Variants in PHACTR1 observed in about 807,000 individuals in gnomAD.
PHACTR1 encodes phosphatase and actin regulator 1.
In PHACTR1, 16 loss-of-function variants were observed where a neutral mutation model predicts 69.2. That is an observed-to-expected ratio of 0.23 (90% CI 0.16 to 0.35). PHACTR1 has a LOEUF of 0.35. Among genes scored for constraint, PHACTR1 ranks in the 10% least tolerant of loss-of-function variants. The pLI is 1.00. For missense variants in PHACTR1, 510 were observed against 734.7 expected (o/e 0.69, Z 3.54); for synonymous variants, 312 against 284.5 (o/e 1.10, Z -0.97).
chr6:13,193,441 C>A (rs1441338791), intron 7 of PHACTR1, among the ~76,000 whole-genome samples: 1 of 143,882 alleles, frequency 7.0e-6, no homozygotes, highest in African/African-American at 2.5e-5. Flanking sequence ...ACTTGGAGTG[C>A]AGTGGCATGA....
At chr6:12,814,810 C>T (rs886862688) in intron 4 of PHACTR1, among the ~76,000 whole-genome samples, 1 of 152,178 alleles carries the variant, frequency 6.6e-6, no homozygotes, top group African/African-American at 2.4e-5. Flanking sequence ...AATCCCCCAC[C>T]ATTAGTGATT....
chr6:12,926,913 C>A (rs552830904), intron 4 of PHACTR1, among the ~76,000 whole-genome samples: 1 of 152,236 alleles, frequency 6.6e-6, no homozygotes. Context: ...GTCACCAAGT[C>A]TTTTCATGCC....
At chr6:13,159,108 C>T (rs959815607) in intron 5 of PHACTR1, among the ~76,000 whole-genome samples, 4 of 152,186 alleles carry the variant, frequency 2.6e-5, no homozygotes, top group African/African-American at 9.7e-5. Flanking sequence ...GTTGTTTCTA[C>T]TTGATTTGCC....
intron 4 of PHACTR1, among the ~76,000 whole-genome samples, chr6:12,870,021 T>TA (rs1781865382): frequency 6.6e-6 from 1 of 152,056 alleles, no homozygotes; most frequent in Non-Finnish European, 1.5e-5. Flanking sequence ...AGCACCTGGC[T>TA]AAGTGCCTGT....
In PHACTR1 at chr6:13,083,987, CCAGCCATCCCATTAGACA is replaced by C. The variant is rs1161069586; in HGVS notation, c.415+30473_415+30490del. Among the ~76,000 whole-genome samples the C allele has an allele frequency of 4.6e-5, 7 of 151,928 alleles. No individual in the cohort carries two copies. The South Asian group carries it at 6.2e-4, about 14-fold the overall frequency. On this transcript the variant is annotated intron_variant, in intron 5 of 14. Coordinates refer to ENST00000332995, the MANE Select transcript of PHACTR1 (RefSeq NM_030948.6). The stretch of plus-strand genomic sequence containing the variant: ...GCCAGAACTAGAAATACCATGTGAC[CCAGCCATCCCATTAGACA>C]CAGCCATCCCATTACTGGGTATATA...
intron 4 of PHACTR1, among the ~76,000 whole-genome samples, chr6:12,901,151 C>T (rs567154973): frequency 4.1e-4 from 62 of 152,224 alleles, no homozygotes; most frequent in African/African-American, 1.4e-3. Flanking sequence ...TGAGGCAAAC[C>T]ATGGGCTGAT....
intron 4 of PHACTR1, among the ~76,000 whole-genome samples, chr6:12,860,775 G>T (rs572288215): frequency 6.6e-6 from 1 of 151,972 alleles, no homozygotes; most frequent in Non-Finnish European, 1.5e-5. Context: ...TCATATGTTC[G>T]TTGGCCACAT....
intron 5 of PHACTR1, among the ~76,000 whole-genome samples, chr6:13,066,492 T>G (rs1163121630): frequency 6.6e-6 from 1 of 152,204 alleles, no homozygotes; most frequent in Non-Finnish European, 1.5e-5. Context: ...GTGCACAGGT[T>G]AGGCTAAATG....
intron 4 of PHACTR1, among the ~76,000 whole-genome samples, chr6:12,847,018 T>C (rs1166289414): frequency 6.6e-6 from 1 of 151,950 alleles, no homozygotes; most frequent in Non-Finnish European, 1.5e-5. Flanking sequence ...AGTTTCGCCA[T>C]GTAGCCCAGG....
intron 4 of PHACTR1, among the ~76,000 whole-genome samples, chr6:12,806,991 CA>C (rs994860352): frequency 6.6e-6 from 1 of 152,134 alleles, no homozygotes; most frequent in Non-Finnish European, 1.5e-5. Flanking sequence ...TTTATGATGA[CA>C]TTTTTTTCAA....
chr6:12,803,261 A>T (rs577994870), intron 4 of PHACTR1, among the ~76,000 whole-genome samples: 9 of 152,140 alleles, frequency 5.9e-5, no homozygotes, highest in Non-Finnish European at 1.2e-4. Context: ...GGCACCCTTG[A>T]GCCAAAAGCT....
chr6:13,167,628 C>T (rs1429327622), intron 6 of PHACTR1, among the ~76,000 whole-genome samples: 1 of 152,164 alleles, frequency 6.6e-6, no homozygotes, highest in Non-Finnish European at 1.5e-5. Flanking sequence ...ATGTATCCTG[C>T]AAGGAAAGAA....
intron 4 of PHACTR1, among the ~76,000 whole-genome samples, chr6:13,034,353 A>T (rs1802965742): frequency 6.6e-6 from 1 of 152,212 alleles, no homozygotes; most frequent in Non-Finnish European, 1.5e-5. Context: ...AGCTGCACAC[A>T]GAGCAGATGC....
chr6:13,195,091 C>T (rs1274523361), intron 7 of PHACTR1, among the ~76,000 whole-genome samples: 3 of 152,170 alleles, frequency 2.0e-5, no homozygotes, highest in Non-Finnish European at 2.9e-5. Context: ...CAAGGCAAAA[C>T]GCCAGGCGAG....
chr6:13,209,409 G>A (rs1271713757), intron 8 of PHACTR1, among the ~76,000 whole-genome samples: 2 of 152,204 alleles, frequency 1.3e-5, no homozygotes, highest in Non-Finnish European at 2.9e-5. Context: ...AGAAGGGAGA[G>A]GCATTACCAA....
At chr6:12,857,196 G>A (rs1167308869) in intron 4 of PHACTR1, among the ~76,000 whole-genome samples, 4 of 152,066 alleles carry the variant, frequency 2.6e-5, no homozygotes, top group East Asian at 1.9e-4. Context: ...TTCTGCCTGC[G>A]GGCCACAGTG....
At position 12,725,986 on chromosome 6, in the gene PHACTR1, C is replaced by T. The variant is rs571206514; in HGVS notation, c.103+7139C>T. Reference sequence around the variant, plus strand: ...TTCAAGATTTAGAAAATAGAACCTCCTAACACTTTTAAAGAATTAAAATCT... The same window carrying T: ...TTCAAGATTTAGAAAATAGAACCTCTTAACACTTTTAAAGAATTAAAATCT... On this transcript the variant is annotated intron_variant, in intron 3 of 14. Coordinates refer to ENST00000332995, the MANE Select transcript of PHACTR1 (RefSeq NM_030948.6). Among the ~76,000 whole-genome samples the T allele has an allele frequency of 1.2e-4, 18 of 152,200 alleles. No individual in the cohort carries two copies. The South Asian group carries it at 3.5e-3, about 30-fold the overall frequency.
At chr6:12,768,903 C>T (rs768686960) in intron 4 of PHACTR1, among the ~76,000 whole-genome samples, 1 of 151,062 alleles carries the variant, frequency 6.6e-6, no homozygotes, top group Non-Finnish European at 1.5e-5. Context: ...GAAATCCTGC[C>T]ATTTGCAGCA....
intron 5 of PHACTR1, among the ~76,000 whole-genome samples, chr6:13,147,238 T>C (rs1823531301): frequency 6.6e-6 from 1 of 152,210 alleles, no homozygotes; most frequent in Admixed American, 6.5e-5. Context: ...ACAACTGATA[T>C]TTATTCTGTT....
Sources: gnomAD v4.1 joint callset for allele counts (sites outside exome capture counted in the v4.1 genomes callset) on GRCh38, gnomAD v4.1.1 for gene constraint, MANE v1.5 for transcripts, NCBI Gene and HGNC (gene_info 2026-07-23, HGNC 2026-07-21) for gene names.